RTKN2: variants seen among roughly 807,000 people sequenced by gnomAD.
RTKN2 encodes the protein rhotekin 2.
A neutral mutation model predicts 71.5 loss-of-function variants in RTKN2; 69 were observed. That is an observed-to-expected ratio of 0.96 (90% CI 0.79 to 1.18). The LOEUF (loss-of-function observed/expected upper bound fraction) is 1.18, where lower values mean the gene tolerates loss of function less well. Among genes scored for constraint, RTKN2 ranks in the 50% most tolerant of loss-of-function variants. The probability of loss-of-function intolerance (pLI) is 0.00; values close to 1 mark genes in which losing one functional copy is unlikely to be tolerated. For synonymous variants in RTKN2, 236 were observed against 236.5 expected, an observed-to-expected ratio of 1.00 and a Z score of 0.02; for missense variants, 724 against 719.7, an observed-to-expected ratio of 1.01 and a Z score of -0.07.
In RTKN2 at chr10:62,195,943, T is replaced by C; in HGVS notation, c.*1965A>G. On this transcript the variant is annotated 3_prime_UTR_variant, in exon 12 of 12. Transcript: ENST00000373789. ...CTGTATGAATACTTTCTTTTTCTTATACACCTTAAGTCCTTCCTGCTGTTA... is the reference window on the plus strand; with the variant it reads ...CTGTATGAATACTTTCTTTTTCTTACACACCTTAAGTCCTTCCTGCTGTTA... 1 of 985,290 alleles carries C rather than the reference T, an allele frequency of 1.0e-6. No individual in the cohort carries two copies. Among genetic ancestry groups the C allele is most frequent in the Non-Finnish European group, 1.2e-6 (1 of 829,852 alleles). 61.0% of individuals were successfully genotyped at this position (985,290 alleles called of 1,614,324 possible).
At chr10:62,226,602 G>A (rs1390347662) in intron 6 of RTKN2, among the ~76,000 whole-genome samples, 1 of 152,160 alleles carries the variant, frequency 6.6e-6, no homozygotes, top group Admixed American at 6.5e-5. Context: ...CTCACACTTA[G>A]GCTTTTCAAA....
downstream of RTKN2, among the ~76,000 whole-genome samples, chr10:62,189,187 G>T (rs1841182089): frequency 6.7e-6 from 1 of 150,222 alleles, no homozygotes; most frequent in Admixed American, 6.7e-5. Context: ...TGGGGATCTT[G>T]TCCTGTGTAT....
Position 62,194,044 on chromosome 10 carries a change from C to T in RTKN2, c.*3864G>A. ...ATGTACAGAAGTTTCAATTACATGACTTGGGCTCGCTTACCAAATACCTTT... is the reference window on the plus strand; with the variant it reads ...ATGTACAGAAGTTTCAATTACATGATTTGGGCTCGCTTACCAAATACCTTT... On this transcript the variant is annotated 3_prime_UTR_variant, in exon 12 of 12. Coordinates refer to ENST00000373789, the MANE Select transcript of RTKN2 (RefSeq NM_145307.4). The T allele has an allele frequency of 2.0e-6, 2 of 982,680 alleles. No homozygotes were observed. The highest frequency in any genetic ancestry group is 2.4e-6 in the Non-Finnish European group (2 of 827,438). 60.9% of individuals were successfully genotyped at this position (982,680 alleles called of 1,614,324 possible). A position where few individuals can be genotyped will look rare whatever the true frequency, so the allele number is the denominator to read the frequency against.
chr10:62,215,132 G>T lies in RTKN2; in HGVS notation c.1020+1986C>A. 2.5e-6 allele frequency: 3 copies of T among 1,176,730 alleles called. No individual in the cohort carries two copies. The South Asian group carries it at 4.3e-5, about 17-fold the overall frequency. The allele number at this position is 1,176,730 out of a possible 1,614,324, so 72.9% of individuals were successfully genotyped here. ...TTGTTTAGATTACATTTTATTTTAT[G>T]ACTGAATATTCTATGGTATAAAATA... On this transcript the variant is annotated intron_variant, in intron 9 of 11. Transcript: ENST00000373789.
intron 8 of RTKN2, among the ~76,000 whole-genome samples, chr10:62,186,161 G>A (rs949960368): frequency 6.6e-6 from 1 of 152,164 alleles, no homozygotes; most frequent in Non-Finnish European, 1.5e-5. Context: ...CCATGCCTTG[G>A]CTCCCCTGCC....
Position 62,193,974 on chromosome 10 carries a change from TAAAGAG to T in RTKN2, c.*3928_*3933del. Reference sequence around the variant, plus strand: ...AATCAGTCTAGTCTAGAGGAGCACTTAAAGAGAAAAAGTTAGAAAACGTCTTCATGA... The same window carrying T: ...AATCAGTCTAGTCTAGAGGAGCACTTAAAAAGTTAGAAAACGTCTTCATGA... On this transcript the variant is annotated 3_prime_UTR_variant, in exon 12 of 12. Coordinates refer to ENST00000373789, the MANE Select transcript of RTKN2 (RefSeq NM_145307.4). 1.0e-6 allele frequency: 1 copy of T among 985,028 alleles called. No individual in the cohort carries two copies. The highest frequency in any genetic ancestry group is 1.2e-6 in the Non-Finnish European group (1 of 829,634). The allele number at this position is 985,028 out of a possible 1,614,324, so 61.0% of individuals were successfully genotyped here.
At chr10:62,253,126 G>A (rs1046516896) in intron 2 of RTKN2, among the ~76,000 whole-genome samples, 1 of 152,000 alleles carries the variant, frequency 6.6e-6, no homozygotes, top group African/African-American at 2.4e-5. Flanking sequence ...GTCTTCAAAG[G>A]TGAGTCAGAA....
At chr10:62,258,095 T>G (rs1842707269) in intron 2 of RTKN2, among the ~76,000 whole-genome samples, 1 of 152,230 alleles carries the variant, frequency 6.6e-6, no homozygotes, top group African/African-American at 2.4e-5. Context: ...TTCTCAGGAT[T>G]GTGTGGTTTT....
chr10:62,240,907 T>C (rs756453418), intron 4 of RTKN2, among the ~76,000 whole-genome samples: 13 of 152,224 alleles, frequency 8.5e-5, no homozygotes, highest in Non-Finnish European at 1.3e-4. Flanking sequence ...CGGTACTTAC[T>C]GTCCTAGCAC....
In RTKN2 at chr10:62,195,610, G is replaced by GGAAGGAAT. The variant is rs1841311045; in HGVS notation, c.*2297_*2298insATTCCTTC. ...AGGAGAGACGGACAGAGGGAATGAAGGAAGGAAGGAAGGAAGGAAGGAAGG... is the reference window on the plus strand; with the variant it reads ...AGGAGAGACGGACAGAGGGAATGAAGGAAGGAATGAAGGAAGGAAGGAAGGAAGGAAGG... On this transcript the variant is annotated 3_prime_UTR_variant, in exon 12 of 12. Coordinates refer to ENST00000373789, the MANE Select transcript of RTKN2 (RefSeq NM_145307.4). 1 of 126,022 alleles carries GGAAGGAAT rather than the reference G, an allele frequency of 7.9e-6. No homozygotes were observed. Among genetic ancestry groups the GGAAGGAAT allele is most frequent in the African/African-American group, 1.2e-4 (1 of 8,112 alleles). The allele number at this position is 126,022 out of a possible 1,614,324, so 7.8% of individuals were successfully genotyped here. A position where few individuals can be genotyped will look rare whatever the true frequency, so the allele number is the denominator to read the frequency against.
intron 2 of RTKN2, among the ~76,000 whole-genome samples, chr10:62,249,610 C>A (rs1427555173): frequency 1.3e-5 from 2 of 152,044 alleles, no homozygotes; most frequent in Non-Finnish European, 2.9e-5. Context: ...ATGGAACAGG[C>A]AGTAGATAGG....
intron 10 of RTKN2, among the ~76,000 whole-genome samples, chr10:62,202,936 G>A (rs759334630): frequency 5.3e-5 from 8 of 152,146 alleles, no homozygotes; most frequent in Non-Finnish European, 7.4e-5. Flanking sequence ...TGAGGTGGGC[G>A]GATCACCTGA....
At position 62,195,349 on chromosome 10, in the gene RTKN2, A is replaced by G; in HGVS notation, c.*2559T>C. On this transcript the variant is annotated 3_prime_UTR_variant, in exon 12 of 12. Transcript: ENST00000373789. ...AAAAAGCTGAAGCAGCTTTCATATT[A>G]CATGGCATATTTATTTGTCATAAAC... The G allele has an allele frequency of 1.0e-6, 1 of 984,798 alleles. No individual in the cohort carries two copies. The highest frequency in any genetic ancestry group is 1.2e-6 in the Non-Finnish European group (1 of 829,342). 61.0% of individuals were successfully genotyped at this position (984,798 alleles called of 1,614,324 possible). A position where few individuals can be genotyped will look rare whatever the true frequency, so the allele number is the denominator to read the frequency against.
chr10:62,194,018 A>C lies in RTKN2; in HGVS notation c.*3890T>G, dbSNP rs1841274253. The C allele has an allele frequency of 2.0e-6, 2 of 984,708 alleles. No homozygotes were observed. Among genetic ancestry groups the C allele is most frequent in the Admixed American group, 6.2e-5 (1 of 16,260 alleles). 61.0% of individuals were successfully genotyped at this position (984,708 alleles called of 1,614,324 possible). ...AACGTCTTCATGAATCAGTTCTTTTAATGTACAGAAGTTTCAATTACATGA... is the reference window on the plus strand; with the variant it reads ...AACGTCTTCATGAATCAGTTCTTTTCATGTACAGAAGTTTCAATTACATGA... On this transcript the variant is annotated 3_prime_UTR_variant, in exon 12 of 12. Coordinates refer to ENST00000373789, the MANE Select transcript of RTKN2 (RefSeq NM_145307.4).
chr10:62,240,871 C>T (rs1842359297), intron 4 of RTKN2, among the ~76,000 whole-genome samples: 1 of 152,148 alleles, frequency 6.6e-6, no homozygotes, highest in Admixed American at 6.6e-5. Context: ...TTCCATATTT[C>T]CCTTCCCCCG....
chr10:62,215,977 C>T (rs1841761090), intron 9 of RTKN2, among the ~76,000 whole-genome samples: 1 of 151,640 alleles, frequency 6.6e-6, no homozygotes, highest in African/African-American at 2.4e-5. Flanking sequence ...CTTGATTTGT[C>T]AAAACAAAAC....
chr10:62,205,370 AC>A (rs1458496214), intron 9 of RTKN2, among the ~76,000 whole-genome samples: 1 of 152,180 alleles, frequency 6.6e-6, no homozygotes, highest in Non-Finnish European at 1.5e-5. Flanking sequence ...TTCCAATAAA[AC>A]AAGTACAGCA....
At chr10:62,235,904 G>T (rs903651423) in intron 6 of RTKN2, among the ~76,000 whole-genome samples, 162 bp downstream of exon 6, 1 of 152,002 alleles carries the variant, frequency 6.6e-6, no homozygotes, top group Admixed American at 6.6e-5. Context: ...TTAAAGGAGG[G>T]TATTAAGGAT....
chr10:62,185,613 G>A (rs895473038), intron 8 of RTKN2, among the ~76,000 whole-genome samples: 9 of 151,630 alleles, frequency 5.9e-5, no homozygotes, highest in Non-Finnish European at 8.8e-5. Flanking sequence ...GCAAGACTCC[G>A]TCTCAAAAAA....
Sources: allele counts gnomAD v4.1 joint callset (sites outside exome capture counted in the v4.1 genomes callset), GRCh38; gene constraint gnomAD v4.1.1; transcripts MANE v1.5; gene names NCBI Gene and HGNC (gene_info 2026-07-23, HGNC 2026-07-21).